NUP43: variants seen among roughly 807,000 people sequenced by gnomAD.
NUP43 encodes nucleoporin 43.
NUP43 carries 32 observed loss-of-function variants against 47.3 expected under a neutral mutation model. That is an observed-to-expected ratio of 0.68 (90% CI 0.51 to 0.91). The LOEUF (loss-of-function observed/expected upper bound fraction) is 0.91. NUP43 is among the 40% of genes least tolerant of loss of function. The probability of loss-of-function intolerance (pLI) is 0.00; values close to 1 mark genes in which losing one functional copy is unlikely to be tolerated. For synonymous variants in NUP43, 147 were observed against 158.4 expected, an observed-to-expected ratio of 0.93 and a Z score of 0.54; for missense variants, 444 against 453.9, an observed-to-expected ratio of 0.98 and a Z score of 0.20.
intron 5 of NUP43, among the ~76,000 whole-genome samples, chr6:149,737,690 A>G (rs12178310): frequency 0.44 from 66,317 of 151,778 alleles, 15,499 homozygotes; most frequent in East Asian, 0.81. Flanking sequence ...GCACGATCTT[A>G]GCTCACTGCA....
At chr6:149,734,937 T>TA (rs928301482) in intron 6 of NUP43, among the ~76,000 whole-genome samples, 13 of 151,792 alleles carry the variant, frequency 8.6e-5, no homozygotes, top group African/African-American at 2.9e-4. Context: ...TTGTTCATGT[T>TA]AAAAAAAATG....
At position 149,743,724 on chromosome 6, in the gene NUP43, A is replaced by G. The variant is rs781739048; in HGVS notation, c.244-9T>C. On this transcript the variant is annotated splice_polypyrimidine_tract_variant and intron_variant, in intron 2 of 7. Transcript: ENST00000340413. The stretch of plus-strand genomic sequence containing the variant: ...CTTTCCTGGTCAAAAAACTAAAGAG[A>G]AAATTTCTGCTTGTTAAAGATTCAG... The G allele has an allele frequency of 3.8e-6, 6 of 1,583,060 alleles. No individual in the cohort carries two copies. Among genetic ancestry groups the G allele is most frequent in the Non-Finnish European group, 5.2e-6 (6 of 1,154,878 alleles).
At chr6:149,739,044 G>A (rs1458282624) in intron 4 of NUP43, among the ~76,000 whole-genome samples, 5 of 150,228 alleles carry the variant, frequency 3.3e-5, no homozygotes, top group East Asian at 3.9e-4. Context: ...GCAATGGCGC[G>A]ATCTCGGCTC....
chr6:149,740,354 G>T (rs1785585628), intron 4 of NUP43, among the ~76,000 whole-genome samples: 1 of 149,084 alleles, frequency 6.7e-6, no homozygotes. Context: ...CAAAAGGCCA[G>T]GTACAGTGGC....
At chr6:149,740,465 C>G (rs1410400113) in intron 4 of NUP43, among the ~76,000 whole-genome samples, 1 of 151,958 alleles carries the variant, frequency 6.6e-6, no homozygotes, top group Non-Finnish European at 1.5e-5. Flanking sequence ...CCTGTCTCTA[C>G]TAAAAATACA....
upstream of NUP43, chr6:149,746,733 A>G: frequency 7.1e-7 from 1 of 1,415,526 alleles, no homozygotes; most frequent in Non-Finnish European, 9.4e-7. Flanking sequence ...GAGCAGTAGG[A>G]CTTGCTCCTA....
intron 7 of NUP43, chr6:149,728,511 T>C (rs528174385): frequency 3.3e-6 from 3 of 918,064 alleles, no homozygotes; most frequent in African/African-American, 3.6e-5. Flanking sequence ...TTCCCCTTAG[T>C]TTTTCTGTTT....
chr6:149,729,725 T>G (rs1336507090), intron 7 of NUP43, among the ~76,000 whole-genome samples: 1 of 152,190 alleles, frequency 6.6e-6, no homozygotes, highest in Non-Finnish European at 1.5e-5. Context: ...GGACTCTTAC[T>G]GATACATTAT....
chr6:149,744,134 T>C (rs902730954), intron 2 of NUP43, among the ~76,000 whole-genome samples: 30 of 151,754 alleles, frequency 2.0e-4, no homozygotes, highest in Admixed American at 7.2e-4. Flanking sequence ...TGAGTTGGGG[T>C]TGTAGGGAAG....
intron 4 of NUP43, 48 bp from the exon 5 acceptor site, chr6:149,738,826 T>TC (rs748745916): frequency 1.4e-5 from 17 of 1,248,166 alleles, no homozygotes; most frequent in Admixed American, 5.9e-5. Context: ...CCCCTTTTTT[T>TC]CCCAAGAAAA....
intron 2 of NUP43, among the ~76,000 whole-genome samples, chr6:149,744,083 G>C (rs1785825346): frequency 6.6e-6 from 1 of 151,992 alleles, no homozygotes; most frequent in South Asian, 2.1e-4. Context: ...AGACCAGCCT[G>C]CGCAAGATGG....
At chr6:149,731,453 C>T in intron 7 of NUP43, 160 bp downstream of exon 7, 2 of 541,480 alleles carry the variant, frequency 3.7e-6, no homozygotes, top group South Asian at 4.7e-5. Flanking sequence ...GTCCTGGCTA[C>T]TCGGGAGGCT....
intron 4 of NUP43, among the ~76,000 whole-genome samples, chr6:149,739,316 T>C (rs1017050520): frequency 6.6e-6 from 1 of 151,932 alleles, no homozygotes; most frequent in African/African-American, 2.4e-5. Context: ...GAGATGGATC[T>C]CGCTCTGTCA....
Position 149,724,436 on chromosome 6 carries a change from A to G in NUP43, c.*2533T>C, listed in dbSNP as rs549562781. The G allele has an allele frequency of 8.0e-6, 1 of 125,362 alleles. No homozygotes were observed. The highest frequency in any genetic ancestry group is 2.6e-4 in the South Asian group (1 of 3,862). 7.8% of individuals were successfully genotyped at this position (125,362 alleles called of 1,614,324 possible). ...GCTCATCTCACAGGCTCACATCATC[A>G]GTGTGTTAACATACAATAGGACTGT... On this transcript the variant is annotated 3_prime_UTR_variant, in exon 8 of 8. Transcript: ENST00000340413.
chr6:149,743,228 C>T (rs1436747544), intron 3 of NUP43, among the ~76,000 whole-genome samples: 3 of 151,530 alleles, frequency 2.0e-5, no homozygotes, highest in African/African-American at 7.3e-5. Flanking sequence ...ATATTAATCT[C>T]TATAGCTTTT....
Position 149,727,123 on chromosome 6 carries a change from C to G in NUP43, c.989G>C (p.Trp330Ser). The part of the protein sequence containing the change: ...ANVHQSVISS[W>S]LSTDPAKDRI... ...GTCTTTTGCAGGATCAGTGCTGAGC[C>G]AGGAGCTAATGACAGACTGGTGAAC... is the stretch of plus-strand genomic sequence containing the variant. Residue 330 changes from tryptophan (W) to serine (S), a missense_variant, in exon 8 of 8, where the codon TGG (tryptophan) becomes TCG (serine). Transcript: ENST00000340413. The G allele has an allele frequency of 6.2e-7, 1 of 1,613,978 alleles. No homozygotes were observed. The highest frequency in any genetic ancestry group is 2.2e-5 in the East Asian group (1 of 44,876).
intron 1 of NUP43, 79 bp from the exon 2 acceptor site, chr6:149,746,141 A>T (rs748814984): frequency 6.6e-7 from 1 of 1,511,774 alleles, no homozygotes; most frequent in Non-Finnish European, 9.0e-7. Context: ...CCGTCCGGAA[A>T]TGTTGCTCCA....
At position 149,724,491 on chromosome 6, in the gene NUP43, C is replaced by A. The variant is rs1374007305; in HGVS notation, c.*2478G>T. 1 of 152,102 alleles carries A rather than the reference C, an allele frequency of 6.6e-6. No individual in the cohort carries two copies. Among genetic ancestry groups the A allele is most frequent in the Non-Finnish European group, 1.5e-5 (1 of 68,026 alleles). The allele number at this position is 152,102 out of a possible 1,614,324, so 9.4% of individuals were successfully genotyped here. Reference sequence around the variant, plus strand: ...TTTTACAGGATTGAGTGTTTTGGATCCCACTCACACACTAAAACCCTGCCA... The same window carrying A: ...TTTTACAGGATTGAGTGTTTTGGATACCACTCACACACTAAAACCCTGCCA... On this transcript the variant is annotated 3_prime_UTR_variant, in exon 8 of 8. Transcript: ENST00000340413.
At chr6:149,731,562 TAAAAA>T in intron 7 of NUP43, 46 bp downstream of exon 7, 5 of 1,293,304 alleles carry the variant, frequency 3.9e-6, no homozygotes, top group South Asian at 1.5e-5. Context: ...GACTCTGTCT[TAAAAA>T]AAAAAAAAAA....
Sources: gnomAD v4.1 joint callset for allele counts (sites outside exome capture counted in the v4.1 genomes callset) on GRCh38, gnomAD v4.1.1 for gene constraint, MANE v1.5 for transcripts, NCBI Gene and HGNC (gene_info 2026-07-23, HGNC 2026-07-21) for gene names.